NTRK2: variants seen among roughly 807,000 people sequenced by gnomAD.
NTRK2 encodes the protein BDNF/NT-3 growth factors receptor.
A neutral mutation model predicts 94.5 loss-of-function variants in NTRK2; 13 were observed. The observed-to-expected ratio is 0.14, with a 90% CI of 0.09 to 0.22. The LOEUF (loss-of-function observed/expected upper bound fraction) is 0.22, where lower values mean the gene tolerates loss of function less well. Ranked by LOEUF, NTRK2 falls within the 10% of genes least tolerant of loss-of-function variation. The probability of loss-of-function intolerance (pLI) is 1.00; values close to 1 mark genes in which losing one functional copy is unlikely to be tolerated. For synonymous variants in NTRK2, 372 were observed against 407.4 expected (o/e 0.91, Z 1.05); for missense variants, 639 against 1,071.2 (o/e 0.60, Z 5.63).
intron 14 of NTRK2, among the ~76,000 whole-genome samples, chr9:84,904,836 T>G (rs1010386713): frequency 2.0e-5 from 3 of 152,232 alleles, no homozygotes; most frequent in Admixed American, 6.5e-5. Context: ...GCTGTTATAA[T>G]CCAAGTATTT....
chr9:84,730,808 A>AAAAAAAAAAAAAC (rs2062833891), intron 9 of NTRK2, among the ~76,000 whole-genome samples: 1 of 142,674 alleles, frequency 7.0e-6, no homozygotes, highest in African/African-American at 2.7e-5. Context: ...AAAAAAAAAA[A>AAAAAAAAAAAAAC]TCCCTGCTTG....
chr9:84,909,364 G>A (rs1478959221), intron 14 of NTRK2, among the ~76,000 whole-genome samples: 1 of 151,986 alleles, frequency 6.6e-6, no homozygotes, highest in African/African-American at 2.4e-5. Context: ...TGGCTATTAT[G>A]GATAAAGGTG....
chr9:84,669,087 A>C (rs2058539528), upstream of NTRK2, among the ~76,000 whole-genome samples: 1 of 152,094 alleles, frequency 6.6e-6, no homozygotes, highest in East Asian at 1.9e-4. The surrounding 1 kb of genome is among the most constrained non-coding windows in gnomAD (Gnocchi z 4.1). Flanking sequence ...AAAAGCACCA[A>C]CAGGAAGCCC....
chr9:84,924,277 AAGAAAGAAAGAAAGAAAG>A (rs1450842607), intron 14 of NTRK2, among the ~76,000 whole-genome samples: 2 of 150,360 alleles, frequency 1.3e-5, no homozygotes, highest in Admixed American at 1.3e-4. Context: ...GAAAGAAAGA[AAGAAAGAAAGAAAGAAAG>A]AGGAAAAAAA....
chr9:84,953,542 T>C (rs1823732705), intron 16 of NTRK2, among the ~76,000 whole-genome samples: 1 of 152,216 alleles, frequency 6.6e-6, no homozygotes, highest in Non-Finnish European at 1.5e-5. Context: ...GCTTCTTACC[T>C]TGAGTAGGTG....
In NTRK2 at chr9:84,792,835, A is replaced by G. The variant is rs540034900; in HGVS notation, c.1396+40750A>G. ...AAATGAAGACTTAAAACTCTGAGCT[A>G]TCTTAGGACCTCAATTTTCTCTAGT... On this transcript the variant is annotated intron_variant, in intron 12 of 18. Coordinates refer to ENST00000277120, the MANE Select transcript of NTRK2 (RefSeq NM_006180.6). 1.1e-4 allele frequency among the ~76,000 whole-genome samples: 16 copies of G among 152,282 alleles called. 1 individual carries two copies. The East Asian group carries it at 2.7e-3, about 26-fold the overall frequency.
At chr9:84,800,339 G>A (rs1428252999) in intron 12 of NTRK2, among the ~76,000 whole-genome samples, 4 of 152,116 alleles carry the variant, frequency 2.6e-5, no homozygotes, top group African/African-American at 9.7e-5. Context: ...GAGTAGCTGG[G>A]ATTACAGGCA....
intron 10 of NTRK2, 41 bp downstream of exon 10, chr9:84,741,968 T>C (rs770529397): frequency 2.6e-6 from 4 of 1,524,794 alleles, no homozygotes; most frequent in Non-Finnish European, 3.6e-6. Context: ...TTTTTCAAAA[T>C]GTTTGTGTAT....
intron 14 of NTRK2, chr9:84,873,210 A>G: frequency 9.4e-7 from 1 of 1,061,754 alleles, no homozygotes; most frequent in Non-Finnish European, 1.1e-6. Context: ...TTGCCTATTA[A>G]TGTTTTGTCT....
At chr9:84,769,079 A>G (rs1455443790) in intron 12 of NTRK2, among the ~76,000 whole-genome samples, 1 of 152,160 alleles carries the variant, frequency 6.6e-6, no homozygotes, top group Non-Finnish European at 1.5e-5. Flanking sequence ...GGGGAGCCCA[A>G]GCAGAGGTTG....
At chr9:84,745,434 G>C (rs1376359153) in intron 11 of NTRK2, among the ~76,000 whole-genome samples, 1 of 152,138 alleles carries the variant, frequency 6.6e-6, no homozygotes, top group Admixed American at 6.6e-5. Context: ...TAGATGTAGG[G>C]AATCCAGTAG....
intron 12 of NTRK2, among the ~76,000 whole-genome samples, chr9:84,780,019 T>C (rs1362902303): frequency 6.6e-6 from 1 of 151,838 alleles, no homozygotes; most frequent in Non-Finnish European, 1.5e-5. Context: ...GATTAGAAAA[T>C]AAGGCATTAT....
chr9:84,872,556 C>G (rs141646010), intron 14 of NTRK2: 1 of 1,064,312 alleles, frequency 9.4e-7, no homozygotes, highest in Non-Finnish European at 1.1e-6. Flanking sequence ...TCTTCATGTG[C>G]CTAGGGCTAG....
intron 12 of NTRK2, 125 bp downstream of exon 12, chr9:84,752,210 A>T: frequency 1.3e-6 from 1 of 777,892 alleles, no homozygotes; most frequent in East Asian, 2.7e-5. Flanking sequence ...CTAAAAAAAT[A>T]GCAACAAGGC....
At chr9:85,006,735 C>A (rs1281069001) in intron 17 of NTRK2, among the ~76,000 whole-genome samples, 2 of 152,130 alleles carry the variant, frequency 1.3e-5, no homozygotes, top group African/African-American at 4.8e-5. Flanking sequence ...TTCCTGGTAA[C>A]GTATTCTATA....
intron 17 of NTRK2, among the ~76,000 whole-genome samples, chr9:84,996,546 T>C (rs1253907387): frequency 6.6e-6 from 1 of 152,192 alleles, no homozygotes; most frequent in Non-Finnish European, 1.5e-5. Context: ...TGTCAGGGCC[T>C]TGGAGTCTGC....
At chr9:84,806,579 G>A (rs984614748) in intron 12 of NTRK2, among the ~76,000 whole-genome samples, 15 of 151,818 alleles carry the variant, frequency 9.9e-5, no homozygotes, top group Admixed American at 3.3e-4. Context: ...GAGGCTCTGA[G>A]TTTAGATTTC....
chr9:84,851,551 AT>A (rs1420006940), intron 12 of NTRK2, among the ~76,000 whole-genome samples: 1 of 152,176 alleles, frequency 6.6e-6, no homozygotes, highest in African/African-American at 2.4e-5. Flanking sequence ...TTAAATAAAC[AT>A]TTTGGCTATT....
At position 85,006,887 on chromosome 9, in the gene NTRK2, G is replaced by T. The variant is rs183972564; in HGVS notation, c.2173-13319G>T. 4.6e-3 allele frequency among the ~76,000 whole-genome samples: 701 copies of T among 152,286 alleles called. 5 individuals carry two copies. Among genetic ancestry groups the T allele is most frequent in the African/African-American group, 0.016 (680 of 41,560 alleles). ...CTGGATACCCCTCTGGGCTCCAAGG[G>T]GTATGTGCCCGCAGCCCCACCAGCA... On this transcript the variant is annotated intron_variant, in intron 17 of 18. Coordinates refer to ENST00000277120, the MANE Select transcript of NTRK2 (RefSeq NM_006180.6).
Sources: allele counts gnomAD v4.1 joint callset (sites outside exome capture counted in the v4.1 genomes callset), GRCh38; gene constraint gnomAD v4.1.1; non-coding constraint Gnocchi (gnomAD v3.1); transcripts MANE v1.5; gene names NCBI Gene and HGNC (gene_info 2026-07-23, HGNC 2026-07-21).